NUCKS1: variants seen among roughly 807,000 people sequenced by gnomAD.
The protein encoded by NUCKS1 is nuclear casein kinase and cyclin dependent kinase substrate 1.
A neutral mutation model predicts 33.0 loss-of-function variants in NUCKS1; 2 were observed. The observed-to-expected ratio is 0.06, with a 90% CI of 0.02 to 0.19. The LOEUF is 0.19. NUCKS1 is among the 10% of genes least tolerant of loss of function. The pLI, the probability that NUCKS1 is intolerant of heterozygous loss-of-function variation, is 1.00. For missense variants in NUCKS1, 201 were observed against 293.6 expected, an observed-to-expected ratio of 0.68 and a Z score of 2.31; for synonymous variants, 106 against 102.8, an observed-to-expected ratio of 1.03 and a Z score of -0.19.
chr1:205,735,823 G>T (rs1439328066), intron 1 of NUCKS1, among the ~76,000 whole-genome samples: 4 of 152,150 alleles, frequency 2.6e-5, no homozygotes, highest in Non-Finnish European at 4.4e-5. Flanking sequence ...CTCTTATTTG[G>T]ATATGATGAT....
intron 1 of NUCKS1, among the ~76,000 whole-genome samples, chr1:205,739,537 A>G (rs943885674): frequency 5.3e-5 from 8 of 152,130 alleles, no homozygotes; most frequent in Non-Finnish European, 1.0e-4. Flanking sequence ...CCATGGCACA[A>G]TGACACCTAA....
chr1:205,722,080 A>T (rs74474484), intron 4 of NUCKS1, among the ~76,000 whole-genome samples: 4,399 of 148,190 alleles, frequency 0.03, 122 homozygotes, highest in African/African-American at 0.071. Flanking sequence ...TGAAAAAAAA[A>T]TTTTTTTTTT....
At position 205,718,483 on chromosome 1, in the gene NUCKS1, A is replaced by C; in HGVS notation, c.533-4T>G. 1 of 1,606,676 alleles carries C rather than the reference A, an allele frequency of 6.2e-7. No homozygotes were observed. Among genetic ancestry groups the C allele is most frequent in the South Asian group, 1.1e-5 (1 of 89,590 alleles). On this transcript the variant is annotated splice_region_variant and splice_polypyrimidine_tract_variant and intron_variant, in intron 6 of 6. Transcript: ENST00000367142. The stretch of plus-strand genomic sequence containing the variant: ...CCTTTCACTGGACTTGGCGTCACTG[A>C]AAATAGAAAAATAATTTGGGGAAGG...
intron 1 of NUCKS1, among the ~76,000 whole-genome samples, chr1:205,745,316 T>C (rs1305631685): frequency 6.6e-6 from 1 of 152,060 alleles, no homozygotes; most frequent in Non-Finnish European, 1.5e-5. Context: ...CTGAGCAACA[T>C]GGTGAAACCC....
chr1:205,741,268 C>A (rs1654164410), intron 1 of NUCKS1, among the ~76,000 whole-genome samples: 1 of 140,632 alleles, frequency 7.1e-6, no homozygotes, highest in African/African-American at 2.7e-5. Context: ...CCACTGCACT[C>A]CAGCCTGGGC....
chr1:205,741,914 G>T (rs1276120805), intron 1 of NUCKS1, among the ~76,000 whole-genome samples: 1 of 152,170 alleles, frequency 6.6e-6, no homozygotes, highest in East Asian at 1.9e-4. Context: ...CCTGACAAAA[G>T]TGTGACGTTC....
At position 205,717,967 on chromosome 1, in the gene NUCKS1, T is replaced by A. The variant is rs781213212; in HGVS notation, c.*313A>T. ...ACACCTTTCATTAAAAATAAAAAGA[T>A]GAAGCAGTCAATCCAGTGATTAATT... is the stretch of plus-strand genomic sequence containing the variant. On this transcript the variant is annotated 3_prime_UTR_variant, in exon 7 of 7. Transcript: ENST00000367142. 4.9e-6 allele frequency: 5 copies of A among 1,029,050 alleles called. No homozygotes were observed. The highest frequency in any genetic ancestry group is 5.8e-6 in the Non-Finnish European group (5 of 859,678). The allele number at this position is 1,029,050 out of a possible 1,614,324, so 63.7% of individuals were successfully genotyped here.
At chr1:205,742,464 A>AT (rs1049338586) in intron 1 of NUCKS1, among the ~76,000 whole-genome samples, 1 of 152,198 alleles carries the variant, frequency 6.6e-6, no homozygotes, top group Non-Finnish European at 1.5e-5. Context: ...GACAGCAATA[A>AT]TTTTTTCCCA....
intron 1 of NUCKS1, among the ~76,000 whole-genome samples, chr1:205,735,803 A>G (rs990225212): frequency 2.0e-5 from 3 of 152,236 alleles, no homozygotes; most frequent in African/African-American, 4.8e-5. Context: ...AATTTTGAAC[A>G]CATAACTAAC....
chr1:205,726,375 T>C (rs1268654468), intron 3 of NUCKS1, among the ~76,000 whole-genome samples: 2 of 152,172 alleles, frequency 1.3e-5, no homozygotes, highest in Non-Finnish European at 2.9e-5. Context: ...ACAACAACTA[T>C]GTTAGACATA....
intron 1 of NUCKS1, among the ~76,000 whole-genome samples, chr1:205,732,652 G>T (rs921068957): frequency 2.6e-5 from 4 of 151,666 alleles, no homozygotes; most frequent in African/African-American, 7.3e-5. Flanking sequence ...GTGGTGGTGC[G>T]TGCCTGTAGT....
In NUCKS1 at chr1:205,714,597, G is replaced by C. The variant is rs2102426017; in HGVS notation, c.*3683C>G. The C allele has an allele frequency of 6.6e-6, 1 of 152,142 alleles. No individual in the cohort carries two copies. Among genetic ancestry groups the C allele is most frequent in the South Asian group, 2.1e-4 (1 of 4,812 alleles). The allele number at this position is 152,142 out of a possible 1,614,324, so 9.4% of individuals were successfully genotyped here. A position where few individuals can be genotyped will look rare whatever the true frequency, so the allele number is the denominator to read the frequency against. On this transcript the variant is annotated 3_prime_UTR_variant, in exon 7 of 7. Coordinates refer to ENST00000367142, the MANE Select transcript of NUCKS1 (RefSeq NM_022731.5). ...GGAAAACTGGTTGCGACTGAAACTT[G>C]GCTATAGATAGCTTGATGTCCCAAT...
At chr1:205,734,093 G>A (rs908129065) in intron 1 of NUCKS1, among the ~76,000 whole-genome samples, 1 of 151,140 alleles carries the variant, frequency 6.6e-6, no homozygotes, top group African/African-American at 2.4e-5. Flanking sequence ...TTCCCATGCT[G>A]GTCTCAAACT....
intron 1 of NUCKS1, among the ~76,000 whole-genome samples, chr1:205,731,824 A>G (rs570565573): frequency 6.6e-6 from 1 of 152,040 alleles, no homozygotes; most frequent in Non-Finnish European, 1.5e-5. Flanking sequence ...CCCGGGAGGC[A>G]GAGCTCGCAG....
chr1:205,739,931 C>CA (rs1207112011), intron 1 of NUCKS1, among the ~76,000 whole-genome samples: 1 of 149,572 alleles, frequency 6.7e-6, no homozygotes, highest in African/African-American at 2.5e-5. Context: ...TCTTGACCTT[C>CA]AAGTTCCTTT....
rs1315751056 is a variant in NUCKS1 at position 205,724,022 on chromosome 1, G to A, written c.174-41C>T. 7 of 1,410,888 alleles carry A rather than the reference G, an allele frequency of 5.0e-6. 1 individual carries two copies. In the South Asian group the frequency reaches 6.9e-5, roughly 14 times the overall value. The allele number at this position is 1,410,888 out of a possible 1,614,324, so 87.4% of individuals were successfully genotyped here. A position where few individuals can be genotyped will look rare whatever the true frequency, so the allele number is the denominator to read the frequency against. Reference sequence around the variant, plus strand: ...AAAAAGCAAATGCATAAAAGTCTTAGCTCAAAATCTAAGTGAACATAGATC... The same window carrying A: ...AAAAAGCAAATGCATAAAAGTCTTAACTCAAAATCTAAGTGAACATAGATC... On this transcript the variant is annotated intron_variant, in intron 3 of 6. Coordinates refer to ENST00000367142, the MANE Select transcript of NUCKS1 (RefSeq NM_022731.5).
chr1:205,718,452 C>T lies in NUCKS1; in HGVS notation c.560G>A (p.Gly187Glu). The T allele has an allele frequency of 6.2e-7, 1 of 1,612,050 alleles. No individual in the cohort carries two copies. The highest frequency in any genetic ancestry group is 8.5e-7 in the Non-Finnish European group (1 of 1,179,724). ...TVTPSPVKGKGKVGRPTASKA... is the reference protein window; with the variant it reads ...TVTPSPVKGKEKVGRPTASKA... ...TGAAGCTGTGGGGCGACCCACTTTCCCTTTGCCTTTCACTGGACTTGGCGT... is the reference window on the plus strand; with the variant it reads ...TGAAGCTGTGGGGCGACCCACTTTCTCTTTGCCTTTCACTGGACTTGGCGT... Residue 187 changes from glycine (G) to glutamate (E), a missense_variant, in exon 7 of 7, where the codon GGG becomes GAG. Physicochemically the swap from Gly to Glu is moderately conservative, Grantham distance 98 (BLOSUM62 -2). Coordinates refer to ENST00000367142, the MANE Select transcript of NUCKS1 (RefSeq NM_022731.5).
intron 4 of NUCKS1, among the ~76,000 whole-genome samples, chr1:205,721,591 C>T (rs994773054): frequency 3.9e-5 from 6 of 151,976 alleles, no homozygotes; most frequent in African/African-American, 1.4e-4. Context: ...ACATAAAACA[C>T]GAAAACCCTA....
In NUCKS1 at chr1:205,749,999, C is replaced by T. The variant is rs372184381; in HGVS notation, c.-26G>A. ...GTTCGCTGTCGAAACAGGACCGAGT[C>T]GAGAAGCCAAAGACCAGGACCCCCC... On this transcript the variant is annotated 5_prime_UTR_variant, in exon 1 of 7. Transcript: ENST00000367142. 2 of 1,596,992 alleles carry T rather than the reference C, an allele frequency of 1.3e-6. No individual in the cohort carries two copies. Among genetic ancestry groups the T allele is most frequent in the Non-Finnish European group, 1.7e-6 (2 of 1,170,352 alleles).
Sources: allele counts gnomAD v4.1 joint callset (sites outside exome capture counted in the v4.1 genomes callset), GRCh38; gene constraint gnomAD v4.1.1; transcripts MANE v1.5; gene names NCBI Gene and HGNC (gene_info 2026-07-23, HGNC 2026-07-21).